Variants in SLC30A8 observed in about 807,000 individuals in gnomAD.
SLC30A8 encodes the protein proton-coupled zinc antiporter SLC30A8.
SLC30A8 carries 27 observed loss-of-function variants against 36.9 expected under a neutral mutation model. The observed-to-expected ratio is 0.73, with a 90% CI of 0.54 to 1.01. The LOEUF (loss-of-function observed/expected upper bound fraction) is 1.01. Ranked by LOEUF, SLC30A8 falls within the 50% of genes least tolerant of loss-of-function variation. The probability of loss-of-function intolerance (pLI) is 0.00; values close to 1 mark genes in which losing one functional copy is unlikely to be tolerated. For missense variants in SLC30A8, 439 were observed against 452.0 expected, an observed-to-expected ratio of 0.97 and a Z score of 0.26; for synonymous variants, 164 against 172.4, an observed-to-expected ratio of 0.95 and a Z score of 0.38.
Position 117,135,729 on chromosome 8 carries a change from TTATTA to T in SLC30A8, c.71+341_71+345del, listed in dbSNP as rs1225490803. Among the ~76,000 whole-genome samples, 18 of 151,896 alleles carry T rather than the reference TTATTA, an allele frequency of 1.2e-4. 1 individual carries two copies. The highest frequency in any genetic ancestry group is 3.9e-4 in the Admixed American group (6 of 15,214). ...TCAATTTTAAGATAGATAGTAAATT[TTATTA>T]TATTATATTTAGAAAAAGTTAAGAC... On this transcript the variant is annotated intron_variant, in intron 1 of 7. Transcript: ENST00000456015.
intron 1 of SLC30A8, among the ~76,000 whole-genome samples, chr8:116,990,711 A>T (rs919885021): frequency 6.6e-6 from 1 of 152,210 alleles, no homozygotes; most frequent in Admixed American, 6.5e-5. Flanking sequence ...AGTTAATAGC[A>T]ATGCACCAGT....
At chr8:117,101,707 T>C (rs1216720917) in intron 2 of SLC30A8, among the ~76,000 whole-genome samples, 1 of 152,150 alleles carries the variant, frequency 6.6e-6, no homozygotes, top group Non-Finnish European at 1.5e-5. Context: ...GCTGCCAGTG[T>C]GGCCAGAATA....
chr8:117,094,909 G>A (rs909245679), intron 2 of SLC30A8, among the ~76,000 whole-genome samples: 1 of 152,224 alleles, frequency 6.6e-6, no homozygotes, highest in African/African-American at 2.4e-5. Flanking sequence ...CAGGGGGCTG[G>A]CATAGCAGTG....
chr8:117,119,920 C>T (rs1325381235), intron 2 of SLC30A8, among the ~76,000 whole-genome samples: 2 of 151,586 alleles, frequency 1.3e-5, no homozygotes, highest in East Asian at 3.9e-4. Context: ...AGGAATAAAC[C>T]AGAGGTAAAA....
At chr8:117,010,972 A>C (rs1016184068) in intron 1 of SLC30A8, among the ~76,000 whole-genome samples, 3 of 152,178 alleles carry the variant, frequency 2.0e-5, no homozygotes, top group Non-Finnish European at 4.4e-5. Flanking sequence ...CCAGCACCGG[A>C]GATTACAGTT....
chr8:117,085,334 T>G (rs1586485421), intron 2 of SLC30A8, among the ~76,000 whole-genome samples: 1 of 152,164 alleles, frequency 6.6e-6, no homozygotes, highest in African/African-American at 2.4e-5. Context: ...CCTCCTGACC[T>G]TCTACTCAGT....
rs572696894 is a variant in SLC30A8, at chr8:117,126,170, GTTGAC to G, written c.-225-9104_-225-9100del. On this transcript the variant is annotated intron_variant, in intron 2 of 10. Transcript: ENST00000427715. ...CAAGTGTAGCTTTTTCTCCATGTTA[GTTGAC>G]TTGACAACTAGATCTCAAAGTACTT... Among the ~76,000 whole-genome samples, 472 of 151,894 alleles carry G rather than the reference GTTGAC, an allele frequency of 3.1e-3. 1 individual carries two copies. The highest frequency in any genetic ancestry group is 0.011 in the African/African-American group (453 of 41,454).
intron 2 of SLC30A8, chr8:117,128,606 T>C (rs1413533502): frequency 7.2e-5 from 11 of 152,076 alleles, no homozygotes; most frequent in Admixed American, 7.2e-4. Flanking sequence ...TCTTGAAATT[T>C]AAAACACCTT....
chr8:117,033,139 C>G (rs1047730751), intron 1 of SLC30A8, among the ~76,000 whole-genome samples: 1 of 152,160 alleles, frequency 6.6e-6, no homozygotes, highest in African/African-American at 2.4e-5. Flanking sequence ...GAGTTCCACT[C>G]TTAGGTATAC....
intron 3 of SLC30A8, among the ~76,000 whole-genome samples, chr8:117,155,123 T>G (rs531247811): frequency 6.6e-6 from 1 of 152,090 alleles, no homozygotes; most frequent in Admixed American, 6.5e-5. Context: ...CTAAGCTAAC[T>G]TATTTCTTTT....
intron 1 of SLC30A8, among the ~76,000 whole-genome samples, chr8:116,983,473 T>G (rs2130647423): frequency 6.6e-6 from 1 of 152,228 alleles, no homozygotes. Flanking sequence ...TCAATATACT[T>G]CTCAAAAAGT....
chr8:117,003,003 A>G (rs1168642564), intron 1 of SLC30A8, among the ~76,000 whole-genome samples: 1 of 152,180 alleles, frequency 6.6e-6, no homozygotes, highest in African/African-American at 2.4e-5. Flanking sequence ...CATACAGTAG[A>G]TAATAGTCAG....
At chr8:117,142,129 A>C (rs1049372314) in intron 1 of SLC30A8, among the ~76,000 whole-genome samples, 1 of 152,144 alleles carries the variant, frequency 6.6e-6, no homozygotes, top group African/African-American at 2.4e-5. Flanking sequence ...GCCCTTCTCC[A>C]GGTTACTCTA....
At chr8:117,135,932 T>G (rs1821339549) in intron 1 of SLC30A8, among the ~76,000 whole-genome samples, 1 of 151,946 alleles carries the variant, frequency 6.6e-6, no homozygotes, top group Admixed American at 6.6e-5. Flanking sequence ...ATGCAATACA[T>G]TCATTCATTT....
intron 1 of SLC30A8, among the ~76,000 whole-genome samples, chr8:117,137,067 G>A (rs887343279): frequency 6.6e-6 from 1 of 151,872 alleles, no homozygotes; most frequent in Non-Finnish European, 1.5e-5. Context: ...CAACAGAACT[G>A]GGCTGTGGAC....
chr8:116,966,236 G>A (rs186316217), intron 1 of SLC30A8, among the ~76,000 whole-genome samples: 57 of 152,276 alleles, frequency 3.7e-4, no homozygotes, highest in Non-Finnish European at 6.3e-4. Context: ...GCAGGAGATG[G>A]AAGAGACTTG....
intron 1 of SLC30A8, among the ~76,000 whole-genome samples, chr8:116,961,012 G>C (rs1814398615): frequency 6.6e-6 from 1 of 152,118 alleles, no homozygotes; most frequent in South Asian, 2.1e-4. Context: ...AAGGAAAGAA[G>C]GAAGGGAGGT....
intron 2 of SLC30A8, among the ~76,000 whole-genome samples, chr8:117,116,315 A>C (rs1820442938): frequency 6.6e-6 from 1 of 152,080 alleles, no homozygotes; most frequent in South Asian, 2.1e-4. Context: ...TACCCAATTC[A>C]CAGGCAGCTC....
chr8:116,978,320 C>T (rs1039758505), intron 1 of SLC30A8, among the ~76,000 whole-genome samples: 1 of 152,028 alleles, frequency 6.6e-6, no homozygotes, highest in Non-Finnish European at 1.5e-5. Flanking sequence ...ATCTATGTTA[C>T]TGTTAAAAGA....
Sources: gnomAD v4.1 joint callset for allele counts (sites outside exome capture counted in the v4.1 genomes callset) on GRCh38, gnomAD v4.1.1 for gene constraint, MANE v1.5 for transcripts, NCBI Gene and HGNC (gene_info 2026-07-23, HGNC 2026-07-21) for gene names.